TGFBR1: variants seen among roughly 807,000 people sequenced by gnomAD.
TGFBR1 encodes the protein TGF-beta receptor type-1.
Under a neutral mutation model 55.1 loss-of-function variants are expected in TGFBR1, and 20 were observed. The observed-to-expected ratio is 0.36, with a 90% CI of 0.26 to 0.53. The LOEUF is 0.53. Ranked by LOEUF, TGFBR1 falls within the 20% of genes least tolerant of loss-of-function variation. The pLI is 0.91. For missense variants in TGFBR1, 385 were observed against 617.6 expected, an observed-to-expected ratio of 0.62 and a Z score of 3.99; for synonymous variants, 220 against 214.8, an observed-to-expected ratio of 1.02 and a Z score of -0.21.
chr9:99,135,421 A>G (rs1019213454), intron 3 of TGFBR1, among the ~76,000 whole-genome samples: 1 of 152,206 alleles, frequency 6.6e-6, no homozygotes, highest in Non-Finnish European at 1.5e-5. Flanking sequence ...AATTGAGGAA[A>G]AGGTATAAGC....
At chr9:99,105,972 AG>A (rs1564122130) in intron 1 of TGFBR1, among the ~76,000 whole-genome samples, 1 of 152,250 alleles carries the variant, frequency 6.6e-6, no homozygotes, top group African/African-American at 2.4e-5. Context: ...TTGTGTGAGA[AG>A]AAGGAAGCGC....
At chr9:99,138,488 A>G (rs755389347) in intron 4 of TGFBR1, among the ~76,000 whole-genome samples, 5 of 152,326 alleles carry the variant, frequency 3.3e-5, no homozygotes, top group African/African-American at 9.6e-5. Context: ...GGATGTTTCA[A>G]TATGGACTAT....
At chr9:99,111,637 CA>C (rs995647484) in intron 1 of TGFBR1, among the ~76,000 whole-genome samples, 1 of 151,826 alleles carries the variant, frequency 6.6e-6, no homozygotes, top group Non-Finnish European at 1.5e-5. Context: ...TCAACAAAAA[CA>C]AACAAACAAA....
In TGFBR1 at chr9:99,151,892, G is replaced by A. The variant is rs1827986647; in HGVS notation, c.*2587G>A. 2 of 204,502 alleles carry A rather than the reference G, an allele frequency of 9.8e-6. No individual in the cohort carries two copies. The highest frequency in any genetic ancestry group is 6.0e-5 in the Admixed American group (1 of 16,736). 12.7% of individuals were successfully genotyped at this position (204,502 alleles called of 1,614,324 possible). A position where few individuals can be genotyped will look rare whatever the true frequency, so the allele number is the denominator to read the frequency against. ...ATTTAAAAACACAGTTGTTTATACT[G>A]CCCATCCTAGGATGCTCACCTTCCA... On this transcript the variant is annotated 3_prime_UTR_variant, in exon 9 of 9. Coordinates refer to ENST00000374994, the MANE Select transcript of TGFBR1 (RefSeq NM_004612.4).
At position 99,153,014 on chromosome 9, in the gene TGFBR1, A is replaced by G. The variant is rs1400632796; in HGVS notation, c.*3709A>G. 2 of 228,174 alleles carry G rather than the reference A, an allele frequency of 8.8e-6. No homozygotes were observed. The highest frequency in any genetic ancestry group is 1.7e-5 in the Non-Finnish European group (2 of 114,606). The allele number at this position is 228,174 out of a possible 1,614,324, so 14.1% of individuals were successfully genotyped here. ...TACAACTTAAAAGGAACTTCAGTGA[A>G]TTTGTTTTTATTTTTTAACAAGATT... On this transcript the variant is annotated 3_prime_UTR_variant, in exon 9 of 9. Coordinates refer to ENST00000374994, the MANE Select transcript of TGFBR1 (RefSeq NM_004612.4).
At chr9:99,146,115 A>G (rs1056626035) in intron 6 of TGFBR1, 5 of 313,016 alleles carry the variant, frequency 1.6e-5, no homozygotes, top group African/African-American at 1.1e-4. Context: ...CCTGGAGTAT[A>G]TTCGTGCCCT....
At position 99,129,126 on chromosome 9, in the gene TGFBR1, A is replaced by G. The variant is rs1304927068; in HGVS notation, c.343+26A>G. 3.1e-6 allele frequency: 5 copies of G among 1,609,882 alleles called. No individual in the cohort carries two copies. In the African/African-American group the frequency reaches 5.3e-5, roughly 17 times the overall value. Reference sequence around the variant, plus strand: ...GTAAGTTGTATAAAATTTTTTTCCTAGATACTACAAGAAAAACTCTTCATA... The same window carrying G: ...GTAAGTTGTATAAAATTTTTTTCCTGGATACTACAAGAAAAACTCTTCATA... On this transcript the variant is annotated intron_variant, in intron 2 of 8. Coordinates refer to ENST00000374994, the MANE Select transcript of TGFBR1 (RefSeq NM_004612.4).
At chr9:99,105,844 G>C (rs1167602589) in intron 1 of TGFBR1, among the ~76,000 whole-genome samples, 1 of 152,230 alleles carries the variant, frequency 6.6e-6, no homozygotes, top group Non-Finnish European at 1.5e-5. Flanking sequence ...GCTTCGTCCA[G>C]TGGGAGTCGG....
At chr9:99,146,157 T>C (rs906748257) in intron 6 of TGFBR1, among the ~76,000 whole-genome samples, 15 of 152,170 alleles carry the variant, frequency 9.9e-5, no homozygotes, top group African/African-American at 3.6e-4. Context: ...GACTTCTAAA[T>C]TAAAATGCAT....
chr9:99,115,988 T>C (rs981972901), intron 1 of TGFBR1, among the ~76,000 whole-genome samples: 2 of 152,170 alleles, frequency 1.3e-5, no homozygotes, highest in African/African-American at 4.8e-5. Context: ...TAACACAGCA[T>C]TGTAGATTAC....
chr9:99,143,685 T>C (rs1288672605), intron 5 of TGFBR1, among the ~76,000 whole-genome samples: 1 of 152,156 alleles, frequency 6.6e-6, no homozygotes, highest in Non-Finnish European at 1.5e-5. Flanking sequence ...GTTCACCCAC[T>C]TAAAGTGTAA....
chr9:99,114,103 G>A (rs188958106), intron 1 of TGFBR1, among the ~76,000 whole-genome samples: 2 of 152,244 alleles, frequency 1.3e-5, no homozygotes, highest in East Asian at 3.9e-4. Context: ...TGTTGCTCCT[G>A]TATTATACGA....
At chr9:99,143,823 C>G (rs1265562879) in intron 5 of TGFBR1, among the ~76,000 whole-genome samples, 5 of 152,228 alleles carry the variant, frequency 3.3e-5, no homozygotes, top group African/African-American at 1.2e-4. Context: ...TCCCAAACTC[C>G]TTAGCCCTAG....
intron 1 of TGFBR1, among the ~76,000 whole-genome samples, chr9:99,118,888 G>A (rs1216812939): frequency 6.6e-6 from 1 of 151,850 alleles, no homozygotes; most frequent in African/African-American, 2.4e-5. Flanking sequence ...TTCTTCACTA[G>A]CTTTCCTTAA....
At chr9:99,122,064 A>G (rs1826913079) in intron 1 of TGFBR1, among the ~76,000 whole-genome samples, 1 of 152,162 alleles carries the variant, frequency 6.6e-6, no homozygotes, top group Non-Finnish European at 1.5e-5. Flanking sequence ...ACGTTTTGAA[A>G]AGAATATTGA....
At chr9:99,144,579 C>G (rs1444101401) in intron 5 of TGFBR1, among the ~76,000 whole-genome samples, 153 bp from the exon 6 acceptor site, 1 of 152,078 alleles carries the variant, frequency 6.6e-6, no homozygotes, top group Non-Finnish European at 1.5e-5. Flanking sequence ...TGTAGTGATT[C>G]ACTTGAGTTT....
chr9:99,120,932 C>G (rs1279220766), intron 1 of TGFBR1, among the ~76,000 whole-genome samples: 2 of 152,138 alleles, frequency 1.3e-5, no homozygotes, highest in South Asian at 2.1e-4. Context: ...TTTGGGCAGC[C>G]TATTCTTAGT....
intron 3 of TGFBR1, among the ~76,000 whole-genome samples, chr9:99,133,831 A>G (rs1483822712): frequency 6.6e-6 from 1 of 152,098 alleles, no homozygotes; most frequent in African/African-American, 2.4e-5. Context: ...GTGAAAGCCC[A>G]TCTCTATTAA....
intron 3 of TGFBR1, among the ~76,000 whole-genome samples, chr9:99,135,543 T>C (rs1414885336): frequency 6.6e-6 from 1 of 152,238 alleles, no homozygotes; most frequent in African/African-American, 2.4e-5. Context: ...CTTCAGGGAA[T>C]ACAATGAAGA....
Sources: gnomAD v4.1 joint callset for allele counts (sites outside exome capture counted in the v4.1 genomes callset) on GRCh38, gnomAD v4.1.1 for gene constraint, MANE v1.5 for transcripts, NCBI Gene and HGNC (gene_info 2026-07-23, HGNC 2026-07-21) for gene names.